The following MARCHF6 variants were observed in gnomAD, a reference collection of about 807,000 sequenced individuals.
The protein encoded by MARCHF6 is E3 ubiquitin-protein ligase MARCHF6.
MARCHF6 carries 31 observed loss-of-function variants against 133.7 expected under a neutral mutation model. The ratio of observed to expected loss-of-function variants is 0.23; its 90% confidence interval spans 0.17 to 0.31. The LOEUF is 0.31. Among genes scored for constraint, MARCHF6 ranks in the 10% least tolerant of loss-of-function variants. MARCHF6 has a pLI of 1.00. For missense variants in MARCHF6, 723 were observed against 1,121.6 expected, an observed-to-expected ratio of 0.64 and a Z score of 5.08; for synonymous variants, 395 against 402.5, an observed-to-expected ratio of 0.98 and a Z score of 0.22.
At chr5:10,371,240 C>T (rs1228495261) in intron 1 of MARCHF6, among the ~76,000 whole-genome samples, 2 of 152,146 alleles carry the variant, frequency 1.3e-5, no homozygotes, top group African/African-American at 4.8e-5. Flanking sequence ...TTACCCTACC[C>T]CTTTCAACCT....
At chr5:10,406,966 T>C in intron 16 of MARCHF6, 136 bp from the exon 17 acceptor site, 3 of 494,142 alleles carry the variant, frequency 6.1e-6, no homozygotes, top group Non-Finnish European at 1.1e-5. Flanking sequence ...AGATAATGTG[T>C]AGAGTGGGAA....
chr5:10,410,417 T>C, intron 18 of MARCHF6, 141 bp downstream of exon 18: 1 of 947,450 alleles, frequency 1.1e-6, no homozygotes, highest in South Asian at 2.0e-5. Flanking sequence ...TGCAATTGCA[T>C]ATAATACTTC....
At chr5:10,372,443 G>A (rs1471310479) in intron 1 of MARCHF6, among the ~76,000 whole-genome samples, 1 of 152,160 alleles carries the variant, frequency 6.6e-6, no homozygotes, top group Non-Finnish European at 1.5e-5. Context: ...AATTGACTCT[G>A]TGAAAATAGA....
At chr5:10,366,013 A>G (rs764634115) in intron 1 of MARCHF6, among the ~76,000 whole-genome samples, 2 of 151,972 alleles carry the variant, frequency 1.3e-5, no homozygotes, top group South Asian at 2.1e-4. Flanking sequence ...GTTCACTGCA[A>G]CCTCCGCCTC....
At position 10,410,257 on chromosome 5, in the gene MARCHF6, G is replaced by A; in HGVS notation, c.1672G>A (p.Val558Met). The change falls in exon 18 of 26, where the codon GTG (valine) becomes ATG (methionine). Residue 558 changes from valine to methionine, a missense_variant. Val to Met is a conservative substitution (Grantham distance 21). Transcript: ENST00000274140. ...WLKGLVRAWT[V>M]TAGYLLDLHS... ...GAAGGGGCTGGTGCGAGCGTGGACT[G>A]TGACCGCCGGATACTTGCTGTGAGT... 6.2e-7 allele frequency: 1 copy of A among 1,612,966 alleles called. No individual in the cohort carries two copies. The highest frequency in any genetic ancestry group is 8.5e-7 in the Non-Finnish European group (1 of 1,179,950).
At chr5:10,415,203 A>G (rs1425090838) in intron 20 of MARCHF6, among the ~76,000 whole-genome samples, 2 of 152,234 alleles carry the variant, frequency 1.3e-5, no homozygotes, top group Non-Finnish European at 2.9e-5. Flanking sequence ...TAATTCCCTC[A>G]AAAGCTTTTT....
intron 22 of MARCHF6, among the ~76,000 whole-genome samples, chr5:10,418,252 G>C (rs913704156): frequency 2.6e-5 from 4 of 151,714 alleles, no homozygotes; most frequent in African/African-American, 9.7e-5. Context: ...TGGTGGTGTG[G>C]GCATGTGGTC....
chr5:10,404,121 G>T (rs1353785970), intron 15 of MARCHF6, among the ~76,000 whole-genome samples: 1 of 151,346 alleles, frequency 6.6e-6, no homozygotes, highest in African/African-American at 2.4e-5. Flanking sequence ...TGTTGCCCAG[G>T]CTGGAATGTA....
intron 25 of MARCHF6, among the ~76,000 whole-genome samples, chr5:10,431,685 TGA>T (rs1482467508): frequency 2.0e-5 from 3 of 151,830 alleles, no homozygotes; most frequent in Admixed American, 6.6e-5. Context: ...GGCTTGAGTA[TGA>T]GAGAGTGAGT....
intron 24 of MARCHF6, 114 bp from the exon 25 acceptor site, chr5:10,429,779 G>A: frequency 1.2e-6 from 1 of 800,502 alleles, no homozygotes; most frequent in South Asian, 1.7e-5. Context: ...TAACAGACCT[G>A]GGGCTTAGAA....
intron 20 of MARCHF6, 29 bp from the exon 21 acceptor site, chr5:10,415,459 G>A (rs373026708): frequency 3.8e-6 from 6 of 1,593,886 alleles, no homozygotes; most frequent in South Asian, 3.3e-5. Context: ...CTAGCCACAT[G>A]TCTCATTTAT....
intron 3 of MARCHF6, 87 bp downstream of exon 3, chr5:10,378,919 G>C (rs1210914844): frequency 1.2e-6 from 1 of 823,206 alleles, no homozygotes. Flanking sequence ...GACAGAGGAA[G>C]GGGGATAAAA....
intron 7 of MARCHF6, among the ~76,000 whole-genome samples, chr5:10,392,422 C>G (rs1737916718): frequency 6.6e-6 from 1 of 152,158 alleles, no homozygotes; most frequent in Non-Finnish European, 1.5e-5. Context: ...GAAAAAGAAT[C>G]TTGAAGTTTA....
chr5:10,397,093 A>C (rs528862487), intron 9 of MARCHF6, among the ~76,000 whole-genome samples, 200 bp from the exon 10 acceptor site: 1 of 152,134 alleles, frequency 6.6e-6, no homozygotes, highest in Non-Finnish European at 1.5e-5. Flanking sequence ...TTTGAGTTTT[A>C]TTAGGCTTAG....
chr5:10,376,395 G>T (rs527254768), intron 1 of MARCHF6, among the ~76,000 whole-genome samples: 44 of 151,596 alleles, frequency 2.9e-4, no homozygotes, highest in Middle Eastern at 3.4e-3. Flanking sequence ...AAGAAACTCC[G>T]AACACGTCCG....
chr5:10,398,211 C>T (rs1245373305), intron 10 of MARCHF6, among the ~76,000 whole-genome samples: 1 of 152,112 alleles, frequency 6.6e-6, no homozygotes, highest in African/African-American at 2.4e-5. Flanking sequence ...AGAGATTTCC[C>T]AAGGCTTCTT....
chr5:10,357,213 C>CTT (rs35082316), intron 1 of MARCHF6, among the ~76,000 whole-genome samples: 9 of 144,788 alleles, frequency 6.2e-5, no homozygotes, highest in African/African-American at 2.0e-4. Flanking sequence ...CAAGGATATA[C>CTT]TTTTTTTTTT....
At chr5:10,378,099 A>G (rs979860341) in intron 2 of MARCHF6, among the ~76,000 whole-genome samples, 1 of 152,216 alleles carries the variant, frequency 6.6e-6, no homozygotes, top group Admixed American at 6.5e-5. Context: ...TCTTAATACC[A>G]TGGCTGTTAT....
Position 10,418,592 on chromosome 5 carries a change from T to C in MARCHF6, c.2283+1188T>C, listed in dbSNP as rs370639060. ...CAGTCATTCAAAGGCTTTTTAGCTT[T>C]GTTTTTATCTGTTAGTATATTGCAA... On this transcript the variant is annotated intron_variant, in intron 22 of 25. Coordinates refer to ENST00000274140, the MANE Select transcript of MARCHF6 (RefSeq NM_005885.4). 1.7e-4 allele frequency among the ~76,000 whole-genome samples: 26 copies of C among 152,360 alleles called. No individual in the cohort carries two copies. In the East Asian group the frequency reaches 1.7e-3, roughly 10 times the overall value.
Sources: gnomAD v4.1 joint callset for allele counts (sites outside exome capture counted in the v4.1 genomes callset) on GRCh38, gnomAD v4.1.1 for gene constraint, MANE v1.5 for transcripts, NCBI Gene and HGNC (gene_info 2026-07-23, HGNC 2026-07-21) for gene names.